The following LDLRAD4 variants were observed in gnomAD, a reference collection of about 807,000 sequenced individuals.
LDLRAD4 encodes low-density lipoprotein receptor class A domain-containing protein 4.
In LDLRAD4, 5 loss-of-function variants were observed where a neutral mutation model predicts 17.0. That is an observed-to-expected ratio of 0.29 (90% CI 0.15 to 0.62). LDLRAD4 has a LOEUF of 0.62. LDLRAD4 is among the 20% of genes least tolerant of loss of function. The pLI is 0.84. For missense variants in LDLRAD4, 340 were observed against 424.7 expected (o/e 0.80, Z 1.75); for synonymous variants, 168 against 171.8 (o/e 0.98, Z 0.17).
chr18:13,224,680 G>A (rs1352972227), intron 1 of LDLRAD4, among the ~76,000 whole-genome samples: 1 of 150,914 alleles, frequency 6.6e-6, no homozygotes, highest in African/African-American at 2.4e-5. Context: ...CGGGGTTTCA[G>A]CGTGTTAGCC....
At chr18:13,477,527 C>T (rs1363717230) in intron 3 of LDLRAD4, among the ~76,000 whole-genome samples, 4 of 152,228 alleles carry the variant, frequency 2.6e-5, no homozygotes, top group Non-Finnish European at 5.9e-5. Flanking sequence ...TCTGTGCAGG[C>T]AGCATGGCTT....
chr18:13,416,158 GTCA>G (rs1164008074), intron 2 of LDLRAD4, among the ~76,000 whole-genome samples: 7 of 152,182 alleles, frequency 4.6e-5, no homozygotes, highest in Non-Finnish European at 1.0e-4. Context: ...GCTATGGCGA[GTCA>G]TCATCCTCAG....
chr18:13,596,267 A>G (rs2095094647), intron 3 of LDLRAD4, among the ~76,000 whole-genome samples: 1 of 152,104 alleles, frequency 6.6e-6, no homozygotes, highest in Non-Finnish European at 1.5e-5. Flanking sequence ...CTTTGATTCT[A>G]AATTATTTTC....
At chr18:13,459,660 G>A (rs2092334477) in intron 3 of LDLRAD4, among the ~76,000 whole-genome samples, 1 of 152,164 alleles carries the variant, frequency 6.6e-6, no homozygotes, top group Admixed American at 6.5e-5. Flanking sequence ...TGGGATTACA[G>A]CTGTGAGCCA....
intron 3 of LDLRAD4, among the ~76,000 whole-genome samples, chr18:13,458,346 T>A (rs2092256030): frequency 6.6e-6 from 1 of 152,216 alleles, no homozygotes; most frequent in Non-Finnish European, 1.5e-5. Context: ...CTGACTTTGC[T>A]TCTGTGGCTG....
At chr18:13,650,759 G>T (rs1487387479) in exon 6 of LDLRAD4, 1 of 162,314 alleles carries the variant, frequency 6.2e-6, no homozygotes, top group Non-Finnish European at 1.3e-5. Flanking sequence ...AAATGGCATA[G>T]AATTTGTGAA....
chr18:13,401,846 G>A (rs558284830), intron 2 of LDLRAD4, among the ~76,000 whole-genome samples: 1 of 152,276 alleles, frequency 6.6e-6, no homozygotes, highest in African/African-American at 2.4e-5. Flanking sequence ...GTGCCACCAG[G>A]CCCTGCTGGA....
intron 3 of LDLRAD4, among the ~76,000 whole-genome samples, chr18:13,574,793 A>G (rs34009136): frequency 0.34 from 51,923 of 152,136 alleles, 10,288 homozygotes; most frequent in South Asian, 0.47. Flanking sequence ...CTTCTTTTCA[A>G]CCTGGTTCTA....
chr18:13,317,743 G>A (rs915543349), intron 1 of LDLRAD4, among the ~76,000 whole-genome samples: 9 of 152,174 alleles, frequency 5.9e-5, no homozygotes, highest in African/African-American at 2.2e-4. Context: ...ATAGAGAAAA[G>A]TCTGGAAGAA....
intron 1 of LDLRAD4, among the ~76,000 whole-genome samples, chr18:13,294,267 G>T (rs2046141370): frequency 6.6e-6 from 1 of 152,248 alleles, no homozygotes; most frequent in African/African-American, 2.4e-5. Context: ...AAGGGCTGAA[G>T]GTGGTCCAGG....
At chr18:13,529,621 A>G (rs1405674805) in intron 3 of LDLRAD4, among the ~76,000 whole-genome samples, 3 of 152,236 alleles carry the variant, frequency 2.0e-5, no homozygotes, top group Admixed American at 1.3e-4. Flanking sequence ...AGTCATGTGG[A>G]CATGGCAAGA....
At chr18:13,242,311 T>A (rs77001031) in intron 1 of LDLRAD4, among the ~76,000 whole-genome samples, 314 of 152,352 alleles carry the variant, frequency 2.1e-3, no homozygotes, top group African/African-American at 7.1e-3. Flanking sequence ...ATTTTCCAAT[T>A]AAAGGTTAAG....
chr18:13,306,623 AG>A (rs1311711675), intron 1 of LDLRAD4, among the ~76,000 whole-genome samples: 1 of 152,232 alleles, frequency 6.6e-6, no homozygotes, highest in African/African-American at 2.4e-5. Flanking sequence ...GATAGAGAGA[AG>A]GTCAGGAAAA....
chr18:13,242,937 G>T (rs1015647340), intron 1 of LDLRAD4, among the ~76,000 whole-genome samples: 5 of 151,738 alleles, frequency 3.3e-5, no homozygotes, highest in African/African-American at 1.2e-4. Flanking sequence ...ATCCATCTGT[G>T]CTGGCAGGAG....
chr18:13,291,188 T>A (rs1174545610), intron 1 of LDLRAD4, among the ~76,000 whole-genome samples: 1 of 152,092 alleles, frequency 6.6e-6, no homozygotes, highest in Non-Finnish European at 1.5e-5. Flanking sequence ...CCCCAGCCGG[T>A]CTGTTTGCTG....
At chr18:13,429,425 T>A (rs1200928109) in intron 2 of LDLRAD4, among the ~76,000 whole-genome samples, 1 of 152,204 alleles carries the variant, frequency 6.6e-6, no homozygotes, top group Non-Finnish European at 1.5e-5. Context: ...GGCCTTCTCG[T>A]GGGAATGGCC....
chr18:13,631,429 T>C (rs1436792873), intron 4 of LDLRAD4, among the ~76,000 whole-genome samples: 1 of 152,142 alleles, frequency 6.6e-6, no homozygotes, highest in East Asian at 1.9e-4. Flanking sequence ...ATTTAAAGAA[T>C]TGACATCAAT....
intron 2 of LDLRAD4, among the ~76,000 whole-genome samples, chr18:13,422,777 C>G (rs367892086): frequency 3.7e-4 from 57 of 152,352 alleles, no homozygotes; most frequent in African/African-American, 1.3e-3. Context: ...TGCATATCTC[C>G]AGCAACAGAT....
At chr18:13,417,840 G>T (rs532348259) in intron 2 of LDLRAD4, among the ~76,000 whole-genome samples, 4 of 152,162 alleles carry the variant, frequency 2.6e-5, no homozygotes, top group African/African-American at 9.6e-5. Context: ...GTGTGTGTGT[G>T]TTGTGTGTGT....
Sources: allele counts gnomAD v4.1 joint callset (sites outside exome capture counted in the v4.1 genomes callset), GRCh38; gene constraint gnomAD v4.1.1; transcripts MANE v1.5; gene names NCBI Gene and HGNC (gene_info 2026-07-23, HGNC 2026-07-21).